The following UROC1 variants were observed in gnomAD, a reference collection of about 807,000 sequenced individuals.
UROC1 encodes urocanate hydratase.
Under a neutral mutation model 89.5 loss-of-function variants are expected in UROC1, and 79 were observed. The observed-to-expected ratio is 0.88, with a 90% CI of 0.74 to 1.06. The LOEUF is 1.06. Among genes scored for constraint, UROC1 ranks in the 50% least tolerant of loss-of-function variants. The probability of loss-of-function intolerance (pLI) is 0.00; values close to 1 mark genes in which losing one functional copy is unlikely to be tolerated. For missense variants in UROC1, 885 were observed against 907.8 expected (o/e 0.97, Z 0.32); for synonymous variants, 361 against 354.8 (o/e 1.02, Z -0.20).
At chr3:126,498,572 C>T (rs959289562) in intron 13 of UROC1, among the ~76,000 whole-genome samples, 1 of 152,026 alleles carries the variant, frequency 6.6e-6, no homozygotes, top group Admixed American at 6.5e-5. Context: ...GGCTCCAGGA[C>T]AGGGCTGTCC....
At chr3:126,485,751 A>G (rs1038955212) in intron 18 of UROC1, among the ~76,000 whole-genome samples, 1 of 151,596 alleles carries the variant, frequency 6.6e-6, no homozygotes, top group Non-Finnish European at 1.5e-5. Context: ...GTGCACGCCT[A>G]TACAATAATC....
chr3:126,486,024 C>T (rs981703964), intron 18 of UROC1, among the ~76,000 whole-genome samples: 4 of 152,332 alleles, frequency 2.6e-5, no homozygotes, highest in African/African-American at 4.8e-5. Flanking sequence ...AAAGCTCCAG[C>T]GCAGTGTGGC....
At chr3:126,494,490 A>G (rs993925705) in intron 15 of UROC1, among the ~76,000 whole-genome samples, 2 of 152,050 alleles carry the variant, frequency 1.3e-5, no homozygotes, top group Non-Finnish European at 2.9e-5. Flanking sequence ...TGGCACGGGG[A>G]CTCTGAGGCT....
rs368628878 is a variant in UROC1 at position 126,483,373 on chromosome 3, T to A, written c.1886A>T (p.Asn629Ile). The A allele has an allele frequency of 6.2e-7, 1 of 1,612,942 alleles. No individual in the cohort carries two copies. Among genetic ancestry groups the A allele is most frequent in the Non-Finnish European group, 8.5e-7 (1 of 1,179,958 alleles). The change falls in exon 19 of 20, where the codon AAT (asparagine) becomes ATT (isoleucine). Residue 629 changes from asparagine (N) to isoleucine (I), a missense_variant. Coordinates refer to ENST00000290868, the MANE Select transcript of UROC1 (RefSeq NM_144639.3). ...GCAAGGACTGGGCTGACTTACACCA[T>A]TGGAGACATCCCAGCTGAGCATCAG... Reference protein sequence around the residue: ...ARLMLSWDVSNGVARRCWSGN... With the variant: ...ARLMLSWDVSIGVARRCWSGN...
At chr3:126,488,392 G>A (rs919367806) in intron 17 of UROC1, 113 bp from the exon 18 acceptor site, 17 of 1,163,698 alleles carry the variant, frequency 1.5e-5, no homozygotes, top group East Asian at 2.4e-5. Flanking sequence ...AGGATGGGGC[G>A]GCAACTAGGC....
intron 1 of UROC1, among the ~76,000 whole-genome samples, chr3:126,511,752 A>G (rs912456689): frequency 8.5e-5 from 13 of 152,222 alleles, no homozygotes; most frequent in Non-Finnish European, 1.6e-4. Context: ...TAAGCAAAGG[A>G]GATTCTGGCA....
rs551516141 is a variant in UROC1 at position 126,502,624 on chromosome 3, GTGTT to G, written c.903-1348_903-1345del. On this transcript the variant is annotated intron_variant, in intron 9 of 19. Coordinates refer to ENST00000290868, the MANE Select transcript of UROC1 (RefSeq NM_144639.3). The stretch of plus-strand genomic sequence containing the variant: ...TGTGTCTGTATTTATGTGTATGTGT[GTGTT>G]TATGTGTGTGCATGTGTGCACTCTG... Among the ~76,000 whole-genome samples the G allele has an allele frequency of 7.4e-3, 1,120 of 151,774 alleles. 15 individuals are homozygous for G. The highest frequency in any genetic ancestry group is 0.025 in the African/African-American group (1,014 of 41,328).
chr3:126,496,198 C>T, intron 14 of UROC1, 90 bp from the exon 15 acceptor site: 1 of 1,304,768 alleles, frequency 7.7e-7, no homozygotes, highest in Non-Finnish European at 1.1e-6. Flanking sequence ...CAGACCCTGC[C>T]CCGAGCCCAC....
intron 15 of UROC1, among the ~76,000 whole-genome samples, chr3:126,494,746 T>C (rs79621589): frequency 0.021 from 3,198 of 152,274 alleles, 111 homozygotes; most frequent in African/African-American, 0.074. Context: ...GATTGTCACA[T>C]GGTTGCAACC....
At chr3:126,494,837 C>G (rs74915094) in intron 15 of UROC1, among the ~76,000 whole-genome samples, 3,319 of 152,048 alleles carry the variant, frequency 0.022, 116 homozygotes, top group African/African-American at 0.076. Flanking sequence ...CCACCCCTCC[C>G]TGCTGGTGCT....
At chr3:126,514,708 T>G (rs1013576416) in intron 1 of UROC1, among the ~76,000 whole-genome samples, 1 of 151,892 alleles carries the variant, frequency 6.6e-6, no homozygotes. Flanking sequence ...CATAGATGCA[T>G]AGAATGTGTT....
intron 15 of UROC1, 93 bp downstream of exon 15, chr3:126,495,945 G>A: frequency 7.9e-7 from 1 of 1,267,728 alleles, no homozygotes; most frequent in Middle Eastern, 2.0e-4. Context: ...TGGAGGCTGT[G>A]GACCAGGCTG....
chr3:126,507,934 G>A (rs564332252), intron 5 of UROC1, 33 bp downstream of exon 5: 1 of 1,613,638 alleles, frequency 6.2e-7, no homozygotes, highest in South Asian at 1.1e-5. Context: ...TTGGAGCCCT[G>A]GGCAGGTGCT....
chr3:126,491,979 C>T (rs1037324981), intron 16 of UROC1, among the ~76,000 whole-genome samples: 8 of 152,130 alleles, frequency 5.3e-5, no homozygotes, highest in African/African-American at 1.9e-4. Flanking sequence ...GAGCAGGGTC[C>T]CCAGACACCT....
intron 15 of UROC1, among the ~76,000 whole-genome samples, chr3:126,494,128 C>T (rs1431336447): frequency 6.6e-6 from 1 of 152,146 alleles, no homozygotes; most frequent in African/African-American, 2.4e-5. Context: ...ATAGGATTGC[C>T]CACTTTGTCA....
chr3:126,484,220 A>G (rs552353817), intron 18 of UROC1, among the ~76,000 whole-genome samples: 24 of 152,158 alleles, frequency 1.6e-4, no homozygotes, highest in African/African-American at 5.8e-4. Flanking sequence ...GATGAGTTGA[A>G]CTTCATTAAC....
At chr3:126,483,040 A>T (rs1238246722) in intron 19 of UROC1, among the ~76,000 whole-genome samples, 2 of 152,082 alleles carry the variant, frequency 1.3e-5, no homozygotes, top group African/African-American at 4.8e-5. Context: ...TCCCGGTGAG[A>T]TGGGGTGAGT....
chr3:126,485,569 T>C lies in UROC1; in HGVS notation c.1791-2101A>G, dbSNP rs1220397631. Among the ~76,000 whole-genome samples the C allele has an allele frequency of 2.6e-5, 4 of 151,618 alleles. No individual in the cohort carries two copies. The East Asian group carries it at 7.8e-4, about 29-fold the overall frequency. ...ATCTCCATTCCACCCCACACCTGCT[T>C]TTTTTTCTTTGTTCCCCATTTATTT... On this transcript the variant is annotated intron_variant, in intron 18 of 19. Transcript: ENST00000290868.
At chr3:126,502,825 G>C (rs1385142805) in intron 9 of UROC1, among the ~76,000 whole-genome samples, 1 of 150,832 alleles carries the variant, frequency 6.6e-6, no homozygotes, top group African/African-American at 2.4e-5. Flanking sequence ...GTGCTTATGT[G>C]TGTTAAGTGT....
Sources: allele counts gnomAD v4.1 joint callset (sites outside exome capture counted in the v4.1 genomes callset), GRCh38; gene constraint gnomAD v4.1.1; transcripts MANE v1.5; gene names NCBI Gene and HGNC (gene_info 2026-07-23, HGNC 2026-07-21).